Variants in TASP1 observed in about 807,000 individuals in gnomAD.
TASP1 encodes the protein taspase 1.
Under a neutral mutation model 56.6 loss-of-function variants are expected in TASP1, and 16 were observed. The observed-to-expected ratio is 0.28, with a 90% confidence interval of 0.19 to 0.43. The LOEUF (loss-of-function observed/expected upper bound fraction) is 0.43, where lower values mean the gene tolerates loss of function less well. Among genes scored for constraint, TASP1 ranks in the 20% least tolerant of loss-of-function variants. The pLI, the probability that TASP1 is intolerant of heterozygous loss-of-function variation, is 1.00. For synonymous variants in TASP1, 179 were observed against 184.2 expected (o/e 0.97, Z 0.23); for missense variants, 393 against 511.6 (o/e 0.77, Z 2.24).
chr20:13,251,028 T>C, the TASP1 span, among the ~76,000 whole-genome samples: 1 of 152,242 alleles, frequency 6.6e-6, no homozygotes, highest in Non-Finnish European at 1.5e-5. Context: ...TGACCATTGA[T>C]TGCTTTGTAT....
the TASP1 span, among the ~76,000 whole-genome samples, chr20:13,190,956 G>GA: frequency 2.0e-5 from 3 of 151,728 alleles, no homozygotes; most frequent in Non-Finnish European, 4.4e-5. Context: ...TCAAAAAAAA[G>GA]AAAAAATACA....
chr20:13,126,491 T>A, the TASP1 span: 7 of 1,369,104 alleles, frequency 5.1e-6, no homozygotes, highest in South Asian at 3.1e-5. Flanking sequence ...TGAGATCAAA[T>A]GTCTTTTGCT....
rs1232198590 is a variant in TASP1, at chr20:13,593,344, A to G, written c.283-5974T>C. Among the ~76,000 whole-genome samples, 4 of 152,038 alleles carry G rather than the reference A, an allele frequency of 2.6e-5. No homozygotes were observed. In the East Asian group the frequency reaches 7.7e-4, roughly 29 times the overall value. ...CCAATTGAGGTACCTGGTTCATCTC[A>G]CTGGGACTGGTTGGACAGTGGGTGG... On this transcript the variant is annotated intron_variant, in intron 4 of 13. Coordinates refer to ENST00000337743, the MANE Select transcript of TASP1 (RefSeq NM_017714.3).
the TASP1 span, among the ~76,000 whole-genome samples, chr20:13,353,143 G>A: frequency 0.018 from 2,688 of 152,100 alleles, 76 homozygotes; most frequent in African/African-American, 0.059. Flanking sequence ...GGCTGAGGCA[G>A]GAGGATCTCT....
At chr20:13,459,766 C>T (rs998184142) in intron 11 of TASP1, among the ~76,000 whole-genome samples, 2 of 152,062 alleles carry the variant, frequency 1.3e-5, no homozygotes, top group African/African-American at 4.8e-5. Context: ...AGACTTGCCT[C>T]CTGTTACTAC....
the TASP1 span, among the ~76,000 whole-genome samples, chr20:13,201,018 A>T: frequency 6.6e-6 from 1 of 152,250 alleles, no homozygotes; most frequent in Non-Finnish European, 1.5e-5. Flanking sequence ...CTGGCAGCAT[A>T]GTTGTGAACA....
chr20:13,108,767 G>A, the TASP1 span, among the ~76,000 whole-genome samples: 1 of 152,008 alleles, frequency 6.6e-6, no homozygotes, highest in African/African-American at 2.4e-5. Flanking sequence ...GTAGAGACTG[G>A]GTTTCACCAT....
chr20:13,520,188 C>T (rs2044688283), intron 10 of TASP1, among the ~76,000 whole-genome samples: 1 of 152,118 alleles, frequency 6.6e-6, no homozygotes, highest in African/African-American at 2.4e-5. Context: ...GGGAAAATGG[C>T]CATACTGTCC....
At chr20:13,527,702 C>T (rs964719711) in intron 10 of TASP1, among the ~76,000 whole-genome samples, 1 of 152,000 alleles carries the variant, frequency 6.6e-6, no homozygotes, top group Admixed American at 6.6e-5. Context: ...ACCTGTATTA[C>T]ATTAAAAGTG....
chr20:13,313,096 C>T, the TASP1 span, among the ~76,000 whole-genome samples: 3 of 152,174 alleles, frequency 2.0e-5, no homozygotes, highest in Non-Finnish European at 2.9e-5. Context: ...GGCCCCATCC[C>T]ACCACCTTAA....
the TASP1 span, among the ~76,000 whole-genome samples, chr20:13,132,128 T>C: frequency 6.6e-6 from 1 of 151,500 alleles, no homozygotes; most frequent in Non-Finnish European, 1.5e-5. Flanking sequence ...CTATCCTAAA[T>C]AGCAAATCCT....
the TASP1 span, among the ~76,000 whole-genome samples, chr20:13,148,393 G>T: frequency 6.6e-6 from 1 of 152,140 alleles, no homozygotes; most frequent in Non-Finnish European, 1.5e-5. Context: ...GCCAAGATAG[G>T]TACACCCTTG....
At chr20:13,508,721 T>G (rs141392618) in intron 10 of TASP1, among the ~76,000 whole-genome samples, 4 of 152,088 alleles carry the variant, frequency 2.6e-5, no homozygotes, top group African/African-American at 9.7e-5. Flanking sequence ...AAATAGCCAA[T>G]AGGTAGTTAT....
intron 13 of TASP1, among the ~76,000 whole-genome samples, chr20:13,410,660 A>G (rs1012763324): frequency 2.6e-5 from 4 of 152,160 alleles, no homozygotes; most frequent in East Asian, 1.9e-4. Flanking sequence ...TCTTTTGGCT[A>G]CTTTTTAATG....
At chr20:13,163,901 T>C in the TASP1 span, among the ~76,000 whole-genome samples, 2 of 152,316 alleles carry the variant, frequency 1.3e-5, no homozygotes, top group Non-Finnish European at 2.9e-5. Context: ...AATGACCTTT[T>C]TTTTATTTTA....
intron 11 of TASP1, among the ~76,000 whole-genome samples, chr20:13,435,442 G>C (rs2042968308): frequency 6.6e-6 from 1 of 152,038 alleles, no homozygotes; most frequent in African/African-American, 2.4e-5. Flanking sequence ...CAGATTAAAG[G>C]ACCAAAACAC....
chr20:13,227,651 G>A, the TASP1 span, among the ~76,000 whole-genome samples: 4 of 151,572 alleles, frequency 2.6e-5, no homozygotes, highest in East Asian at 7.8e-4. Flanking sequence ...TGGGACTACA[G>A]GCGCCCGCCA....
At chr20:13,152,093 G>T in the TASP1 span, among the ~76,000 whole-genome samples, 2 of 152,174 alleles carry the variant, frequency 1.3e-5, no homozygotes, top group African/African-American at 4.8e-5. Context: ...GAGCATTATA[G>T]TGGAGGGGCT....
At chr20:13,234,501 C>A in the TASP1 span, among the ~76,000 whole-genome samples, 1 of 152,056 alleles carries the variant, frequency 6.6e-6, no homozygotes, top group Non-Finnish European at 1.5e-5. Context: ...AATGGTAGTT[C>A]TCTTTTTGGT....
Sources: allele counts gnomAD v4.1 joint callset (sites outside exome capture counted in the v4.1 genomes callset), GRCh38; gene constraint gnomAD v4.1.1; transcripts MANE v1.5; gene names NCBI Gene and HGNC (gene_info 2026-07-23, HGNC 2026-07-21).